LHFPL6: variants seen among roughly 807,000 people sequenced by gnomAD.
The protein encoded by LHFPL6 is LHFPL tetraspan subfamily member 6.
A neutral mutation model predicts 20.6 loss-of-function variants in LHFPL6; 9 were observed. The observed-to-expected ratio is 0.44, with a 90% CI of 0.26 to 0.76. LHFPL6 has a LOEUF of 0.76. Ranked by LOEUF, LHFPL6 falls within the 30% of genes least tolerant of loss-of-function variation. LHFPL6 has a pLI of 0.20. For missense variants in LHFPL6, 218 were observed against 253.5 expected (o/e 0.86, Z 0.95); for synonymous variants, 105 against 98.7 (o/e 1.06, Z -0.38).
chr13:39,597,599 G>C (rs1322642074), intron 2 of LHFPL6, among the ~76,000 whole-genome samples: 1 of 152,122 alleles, frequency 6.6e-6, no homozygotes, highest in South Asian at 2.1e-4. Context: ...TAAAAACTCA[G>C]TTGAGGGTAA....
rs567054819 is a variant in LHFPL6 at position 39,397,760 on chromosome 13, C to T, written c.386-19234G>A. Among the ~76,000 whole-genome samples the T allele has an allele frequency of 3.5e-3, 531 of 152,182 alleles. 2 individuals carry two copies. The highest frequency in any genetic ancestry group is 0.012 in the African/African-American group (496 of 41,520). On this transcript the variant is annotated intron_variant, in intron 2 of 3. Transcript: ENST00000379589. ...AAGCTCTTTGGAAAGAAACTTGTTC[C>T]GGGAGCCACGGAAAGAAAATAATTT... is the stretch of plus-strand genomic sequence containing the variant.
chr13:39,562,531 CATATAT>C (rs1344038757), intron 2 of LHFPL6, among the ~76,000 whole-genome samples: 3 of 132,910 alleles, frequency 2.3e-5, no homozygotes, highest in Non-Finnish European at 5.1e-5. Flanking sequence ...CACATATACA[CATATAT>C]ACACATATAC....
At position 39,499,127 on chromosome 13, in the gene LHFPL6, T is replaced by G. The variant is rs183977281; in HGVS notation, c.385+101705A>C. Reference sequence around the variant, plus strand: ...ATCCACCTGCCTAGGCCTCCCAAAGTGCTAAGATTACAGGCGTGTACCACG... The same window carrying G: ...ATCCACCTGCCTAGGCCTCCCAAAGGGCTAAGATTACAGGCGTGTACCACG... On this transcript the variant is annotated intron_variant, in intron 2 of 3. Transcript: ENST00000379589. Among the ~76,000 whole-genome samples the G allele has an allele frequency of 4.6e-5, 7 of 152,128 alleles. No homozygotes were observed. The East Asian group carries it at 1.4e-3, about 30-fold the overall frequency.
At chr13:39,582,846 T>C (rs1269427491) in intron 2 of LHFPL6, among the ~76,000 whole-genome samples, 1 of 152,200 alleles carries the variant, frequency 6.6e-6, no homozygotes, top group East Asian at 1.9e-4. Context: ...ATTTAAGTCA[T>C]TATTCAACAC....
chr13:39,526,777 T>C (rs180885898), intron 2 of LHFPL6, among the ~76,000 whole-genome samples: 3 of 152,354 alleles, frequency 2.0e-5, no homozygotes, highest in Admixed American at 2.0e-4. Flanking sequence ...TGACATCACG[T>C]GCAACCTCAT....
intron 2 of LHFPL6, among the ~76,000 whole-genome samples, chr13:39,497,919 T>G (rs1869154232): frequency 6.6e-6 from 1 of 152,200 alleles, no homozygotes; most frequent in African/African-American, 2.4e-5. Flanking sequence ...TCTACACGAT[T>G]AATACTCTAA....
In LHFPL6 at chr13:39,342,963, C is replaced by T. The variant is rs1209722829; in HGVS notation, c.*973G>A. The T allele has an allele frequency of 5.4e-6, 1 of 184,548 alleles. No individual in the cohort carries two copies. Among genetic ancestry groups the T allele is most frequent in the Non-Finnish European group, 1.2e-5 (1 of 86,802 alleles). 11.4% of individuals were successfully genotyped at this position (184,548 alleles called of 1,614,324 possible). Reference sequence around the variant, plus strand: ...CAAAATAGCACTTTTAAATTTTTTACAAAATGAATATAGAAATAAATGTGG... The same window carrying T: ...CAAAATAGCACTTTTAAATTTTTTATAAAATGAATATAGAAATAAATGTGG... On this transcript the variant is annotated 3_prime_UTR_variant, in exon 4 of 4. Coordinates refer to ENST00000379589, the MANE Select transcript of LHFPL6 (RefSeq NM_005780.3).
At chr13:39,404,431 C>CG (rs1292691281) in intron 2 of LHFPL6, among the ~76,000 whole-genome samples, 2 of 152,148 alleles carry the variant, frequency 1.3e-5, no homozygotes, top group African/African-American at 4.8e-5. Flanking sequence ...CTTCAGGTCT[C>CG]GGCCTAAATC....
intron 2 of LHFPL6, among the ~76,000 whole-genome samples, chr13:39,560,799 G>A (rs1030290792): frequency 6.6e-6 from 1 of 152,126 alleles, no homozygotes; most frequent in Non-Finnish European, 1.5e-5. Flanking sequence ...ACAGGCGTGA[G>A]CCACCGCGCC....
intron 2 of LHFPL6, among the ~76,000 whole-genome samples, chr13:39,418,380 G>GTTTTTT (rs145990680): frequency 6.7e-5 from 2 of 29,712 alleles, no homozygotes; most frequent in African/African-American, 1.8e-4. Flanking sequence ...AGTTTTTTTG[G>GTTTTTT]TCTTTTTTTT....
At chr13:39,452,085 A>G (rs1872462466) in intron 2 of LHFPL6, among the ~76,000 whole-genome samples, 1 of 149,276 alleles carries the variant, frequency 6.7e-6, no homozygotes. Context: ...ACAATTTGTT[A>G]TGTACAGCTA....
In LHFPL6 at chr13:39,549,007, G is replaced by C. The variant is rs1033596301; in HGVS notation, c.385+51825C>G. The stretch of plus-strand genomic sequence containing the variant: ...CAGACTGAGAAAATATTTGCAAAAG[G>C]CATGTCTTATCAAGTAACATATCCA... On this transcript the variant is annotated intron_variant, in intron 2 of 3. Coordinates refer to ENST00000379589, the MANE Select transcript of LHFPL6 (RefSeq NM_005780.3). Among the ~76,000 whole-genome samples, 4 of 152,042 alleles carry C rather than the reference G, an allele frequency of 2.6e-5. No individual in the cohort carries two copies. In the East Asian group the frequency reaches 5.8e-4, roughly 22 times the overall value.
In LHFPL6 at chr13:39,378,544, A is replaced by G; in HGVS notation, c.386-18T>C. 1 of 1,594,088 alleles carries G rather than the reference A, an allele frequency of 6.3e-7. No homozygotes were observed. The highest frequency in any genetic ancestry group is 1.1e-5 in the South Asian group (1 of 90,620). Reference sequence around the variant, plus strand: ...CAACAAGCCTGCAAAGAGATAAGACAAGAGGGCTTTACCAGTGCTTCTCTG... The same window carrying G: ...CAACAAGCCTGCAAAGAGATAAGACGAGAGGGCTTTACCAGTGCTTCTCTG... On this transcript the variant is annotated intron_variant, in intron 2 of 3. Transcript: ENST00000379589.
chr13:39,381,731 G>A (rs1870440392), intron 2 of LHFPL6, among the ~76,000 whole-genome samples: 1 of 151,658 alleles, frequency 6.6e-6, no homozygotes, highest in African/African-American at 2.4e-5. Flanking sequence ...AATTGAGTAA[G>A]GGTTAAAAAA....
At chr13:39,493,069 G>A (rs1244405649) in intron 2 of LHFPL6, among the ~76,000 whole-genome samples, 2 of 152,006 alleles carry the variant, frequency 1.3e-5, no homozygotes, top group Non-Finnish European at 2.9e-5. Context: ...CCTGCTGTTG[G>A]TCATTCAGGT....
intron 2 of LHFPL6, among the ~76,000 whole-genome samples, chr13:39,574,356 C>T (rs1396745430): frequency 6.6e-6 from 1 of 151,972 alleles, no homozygotes; most frequent in Non-Finnish European, 1.5e-5. Flanking sequence ...GTGGTGGGCA[C>T]CTGTAGTCCC....
chr13:39,593,029 A>G (rs1433228764), intron 2 of LHFPL6, among the ~76,000 whole-genome samples: 1 of 152,236 alleles, frequency 6.6e-6, no homozygotes, highest in Non-Finnish European at 1.5e-5. Context: ...TGAATGGGCA[A>G]AAACTGGAAG....
At chr13:39,582,622 C>T (rs1291852003) in intron 2 of LHFPL6, among the ~76,000 whole-genome samples, 3 of 152,108 alleles carry the variant, frequency 2.0e-5, no homozygotes, top group Non-Finnish European at 2.9e-5. Context: ...GTTTTAATGG[C>T]AATGCTGAAA....
chr13:39,367,829 T>TA (rs1377665299), intron 3 of LHFPL6, among the ~76,000 whole-genome samples: 2 of 152,222 alleles, frequency 1.3e-5, no homozygotes, highest in African/African-American at 4.8e-5. Context: ...GACCTTAAGT[T>TA]AAAATCAGTC....
Sources: allele counts gnomAD v4.1 joint callset (sites outside exome capture counted in the v4.1 genomes callset), GRCh38; gene constraint gnomAD v4.1.1; transcripts MANE v1.5; gene names NCBI Gene and HGNC (gene_info 2026-07-23, HGNC 2026-07-21).